The following CDH13 variants were observed in gnomAD, a reference collection of about 807,000 sequenced individuals.
CDH13 encodes the protein cadherin 13, also known as cadherin-13.
A neutral mutation model predicts 63.8 loss-of-function variants in CDH13; 24 were observed. That is an observed-to-expected ratio of 0.38 (90% CI 0.27 to 0.53). CDH13 has a LOEUF of 0.53. CDH13 is among the 20% of genes least tolerant of loss of function. The pLI, the probability that CDH13 is intolerant of heterozygous loss-of-function variation, is 0.85. For missense variants in CDH13, 1,049 were observed against 903.1 expected (o/e 1.16, Z -2.07); for synonymous variants, 503 against 355.3 (o/e 1.42, Z -4.67).
At chr16:83,398,078 G>A (rs1053809286) in intron 6 of CDH13, 1 of 152,232 alleles carries the variant, frequency 6.6e-6, no homozygotes, top group Admixed American at 6.5e-5. Context: ...TCCGAAGCTT[G>A]AGTGTACAGC....
intron 10 of CDH13, 30 bp from the exon 11 acceptor site, chr16:83,748,078 A>G (rs1414787070): frequency 6.2e-7 from 1 of 1,613,278 alleles, no homozygotes; most frequent in Admixed American, 1.7e-5. Context: ...CTTTGAATGC[A>G]GAGTCTGACA....
chr16:83,518,202 T>C (rs919721465), intron 7 of CDH13, among the ~76,000 whole-genome samples: 2 of 152,188 alleles, frequency 1.3e-5, no homozygotes, highest in African/African-American at 4.8e-5. Flanking sequence ...TGGAGTGCAG[T>C]GGCGTGATCT....
At chr16:82,672,472 G>T (rs1214348028) in intron 1 of CDH13, among the ~76,000 whole-genome samples, 1 of 151,978 alleles carries the variant, frequency 6.6e-6, no homozygotes, top group Non-Finnish European at 1.5e-5. Context: ...CCTAATCACT[G>T]TATTTCTATC....
At chr16:82,995,832 G>A (rs1011698640) in intron 2 of CDH13, among the ~76,000 whole-genome samples, 3 of 152,170 alleles carry the variant, frequency 2.0e-5, no homozygotes, top group African/African-American at 7.2e-5. Flanking sequence ...TGAGGAGAAA[G>A]ATGATTCAAC....
intron 2 of CDH13, among the ~76,000 whole-genome samples, chr16:82,894,134 A>G (rs1370831450): frequency 6.6e-6 from 1 of 152,192 alleles, no homozygotes; most frequent in African/African-American, 2.4e-5. Context: ...TTCAATGATG[A>G]GTACATAGGA....
chr16:82,781,350 A>C (rs1236109310), intron 1 of CDH13, among the ~76,000 whole-genome samples: 2 of 152,142 alleles, frequency 1.3e-5, no homozygotes, highest in African/African-American at 2.4e-5. Context: ...CTGGTGGTTC[A>C]GGTTTTGTGA....
At chr16:83,129,807 T>C (rs1467813873) in intron 4 of CDH13, among the ~76,000 whole-genome samples, 1 of 152,234 alleles carries the variant, frequency 6.6e-6, no homozygotes, top group Non-Finnish European at 1.5e-5. Context: ...AGCTGACACA[T>C]AGAGGATGTG....
chr16:83,351,948 C>G (rs1306511791), intron 6 of CDH13, among the ~76,000 whole-genome samples: 1 of 152,200 alleles, frequency 6.6e-6, no homozygotes, highest in Non-Finnish European at 1.5e-5. Flanking sequence ...GTGGTCATTT[C>G]ACTAGCTGTT....
At chr16:83,269,420 A>AT (rs2088727918) in intron 5 of CDH13, among the ~76,000 whole-genome samples, 1 of 152,018 alleles carries the variant, frequency 6.6e-6, no homozygotes, top group South Asian at 2.1e-4. Context: ...TATCTAAACT[A>AT]TCCCACATCA....
intron 6 of CDH13, among the ~76,000 whole-genome samples, chr16:83,362,840 T>G (rs1195359498): frequency 6.6e-6 from 1 of 152,224 alleles, no homozygotes; most frequent in African/African-American, 2.4e-5. Flanking sequence ...GCTGTGCATA[T>G]AAATAGGAAA....
intron 7 of CDH13, among the ~76,000 whole-genome samples, chr16:83,559,985 A>T (rs1008186593): frequency 6.6e-6 from 1 of 152,192 alleles, no homozygotes; most frequent in African/African-American, 2.4e-5. Flanking sequence ...TCATTGCCTG[A>T]TACATCCCAT....
intron 7 of CDH13, among the ~76,000 whole-genome samples, chr16:83,511,910 C>T (rs901784959): frequency 6.6e-6 from 1 of 152,128 alleles, no homozygotes; most frequent in Non-Finnish European, 1.5e-5. Flanking sequence ...CTCATACCCT[C>T]GAAAGGGGCT....
chr16:82,813,615 T>A (rs2037557531), intron 1 of CDH13, among the ~76,000 whole-genome samples: 2 of 152,124 alleles, frequency 1.3e-5, no homozygotes, highest in South Asian at 4.1e-4. Context: ...TCGCTGTGTG[T>A]CTGTGGCTAT....
At chr16:82,865,659 G>A (rs997070444) in intron 2 of CDH13, among the ~76,000 whole-genome samples, 4 of 152,198 alleles carry the variant, frequency 2.6e-5, no homozygotes, top group Non-Finnish European at 4.4e-5. Flanking sequence ...GTGATGGGAA[G>A]GGCTGCCTTG....
rs567865355 is a variant in CDH13, at chr16:83,287,695, TGTA to T, written c.637-57166_637-57164del. Among the ~76,000 whole-genome samples the T allele has an allele frequency of 3.1e-3, 476 of 152,252 alleles. 2 individuals are homozygous for T. The highest frequency in any genetic ancestry group is 0.011 in the African/African-American group (460 of 41,540). ...ATAATTATTTCATGATGTATTATAA[TGTA>T]ATAATAATAGAAATAAAGTGCACCA... On this transcript the variant is annotated intron_variant, in intron 5 of 13. Coordinates refer to ENST00000567109, the MANE Select transcript of CDH13 (RefSeq NM_001257.5).
intron 5 of CDH13, among the ~76,000 whole-genome samples, chr16:83,304,787 C>T (rs923690266): frequency 3.9e-5 from 6 of 152,066 alleles, no homozygotes; most frequent in Non-Finnish European, 7.4e-5. Flanking sequence ...ATGTAATAAC[C>T]TTGGTGAAGC....
At chr16:82,863,333 A>G (rs892721691) in intron 2 of CDH13, among the ~76,000 whole-genome samples, 2 of 152,184 alleles carry the variant, frequency 1.3e-5, no homozygotes, top group Non-Finnish European at 2.9e-5. Flanking sequence ...TAGAAACACT[A>G]TAAGCTCCTC....
intron 2 of CDH13, among the ~76,000 whole-genome samples, chr16:82,958,294 A>C (rs1208660583): frequency 6.6e-6 from 1 of 152,166 alleles, no homozygotes; most frequent in Non-Finnish European, 1.5e-5. Context: ...ACTGTGTCTG[A>C]TATATCGTTC....
At chr16:82,738,478 A>G (rs1254449650) in intron 1 of CDH13, among the ~76,000 whole-genome samples, 1 of 152,112 alleles carries the variant, frequency 6.6e-6, no homozygotes, top group Non-Finnish European at 1.5e-5. Context: ...TTAGCACATC[A>G]CCTTTCTGCC....
Sources: gnomAD v4.1 joint callset for allele counts (sites outside exome capture counted in the v4.1 genomes callset) on GRCh38, gnomAD v4.1.1 for gene constraint, MANE v1.5 for transcripts, NCBI Gene and HGNC (gene_info 2026-07-23, HGNC 2026-07-21) for gene names.